The following SRGAP3 variants were observed in gnomAD, a reference collection of about 807,000 sequenced individuals.
SRGAP3 encodes the protein SLIT-ROBO Rho GTPase activating protein 3, also known as SLIT-ROBO Rho GTPase-activating protein 3.
In SRGAP3, 39 loss-of-function variants were observed where a neutral mutation model predicts 121.1. The ratio of observed to expected loss-of-function variants is 0.32; its 90% CI spans 0.25 to 0.42. The LOEUF (loss-of-function observed/expected upper bound fraction) is 0.42, where lower values mean the gene tolerates loss of function less well. Ranked by LOEUF, SRGAP3 falls within the 10% of genes least tolerant of loss-of-function variation. The probability of loss-of-function intolerance (pLI) is 1.00; values close to 1 mark genes in which losing one functional copy is unlikely to be tolerated. For synonymous variants in SRGAP3, 601 were observed against 570.0 expected, an observed-to-expected ratio of 1.05 and a Z score of -0.77; for missense variants, 1,213 against 1,470.6, an observed-to-expected ratio of 0.82 and a Z score of 2.86.
intron 3 of SRGAP3, among the ~76,000 whole-genome samples, chr3:9,322,711 C>T (rs1157116667): frequency 1.3e-5 from 2 of 151,762 alleles, no homozygotes; most frequent in African/African-American, 2.4e-5. Context: ...CACCCCCCAC[C>T]GTCCATGGAA....
At chr3:9,192,050 A>G (rs1951768646) in intron 1 of SRGAP3, among the ~76,000 whole-genome samples, 1 of 152,168 alleles carries the variant, frequency 6.6e-6, no homozygotes, top group African/African-American at 2.4e-5. Context: ...TTCTTTATAA[A>G]TCACCCAGTC....
At chr3:9,261,876 TAAA>T (rs34047232) in intron 3 of SRGAP3, among the ~76,000 whole-genome samples, 31 of 120,858 alleles carry the variant, frequency 2.6e-4, no homozygotes, top group Admixed American at 6.3e-4. Context: ...CTCATATATT[TAAA>T]AAAAAAAAAA....
intron 1 of SRGAP3, among the ~76,000 whole-genome samples, chr3:9,357,597 G>GA (rs978013543): frequency 6.1e-3 from 566 of 92,560 alleles, no homozygotes; most frequent in Middle Eastern, 0.02. Context: ...GTATGTAAAA[G>GA]AAAAAAAAAA....
chr3:9,242,548 T>C (rs910728643), intron 1 of SRGAP3, among the ~76,000 whole-genome samples: 2 of 152,016 alleles, frequency 1.3e-5, no homozygotes, highest in African/African-American at 2.4e-5. Flanking sequence ...GGCGGGAGAA[T>C]TGCTTGAACC....
At chr3:9,279,910 A>G (rs755071380) in intron 3 of SRGAP3, among the ~76,000 whole-genome samples, 3 of 152,198 alleles carry the variant, frequency 2.0e-5, no homozygotes, top group Non-Finnish European at 4.4e-5. Context: ...GGTCAAGGTC[A>G]GCCTCACCAG....
At chr3:9,310,288 T>C (rs1955220545) in intron 3 of SRGAP3, among the ~76,000 whole-genome samples, 1 of 152,118 alleles carries the variant, frequency 6.6e-6, no homozygotes, top group South Asian at 2.1e-4. Context: ...GAATGTCCAA[T>C]CTAGTGGATG....
rs141473975 is a variant in SRGAP3 at position 9,306,900 on chromosome 3, G to A, written n.442+19110C>T. Among the ~76,000 whole-genome samples, 1,073 of 152,228 alleles carry A rather than the reference G, an allele frequency of 7.0e-3. 11 individuals carry two copies. The highest frequency in any genetic ancestry group is 0.02 in the Middle Eastern group (6 of 294). On this transcript the variant is annotated intron_variant and non_coding_transcript_variant, in intron 3 of 3. Coordinates refer to the SRGAP3 transcript ENST00000490889. The stretch of plus-strand genomic sequence containing the variant: ...AGAGAGATGTTTGTTTTTCAAATAC[G>A]TTCATAAGCGAGATGTTTGTTTTTC...
At chr3:9,141,553 GGTGTGT>G (rs3067669) in intron 1 of SRGAP3, among the ~76,000 whole-genome samples, 12,203 of 138,326 alleles carry the variant, frequency 0.088, 554 homozygotes, top group East Asian at 0.14. Context: ...TGACTTCAGG[GGTGTGT>G]GTGTGTGTGT....
chr3:9,268,343 CCT>C (rs978812423), intron 3 of SRGAP3, among the ~76,000 whole-genome samples: 8 of 150,922 alleles, frequency 5.3e-5, no homozygotes, highest in South Asian at 2.1e-4. Flanking sequence ...TCTCTTCCCC[CCT>C]CTCTCTTCTC....
At chr3:9,242,291 G>A (rs1241588837) in intron 1 of SRGAP3, among the ~76,000 whole-genome samples, 1 of 152,078 alleles carries the variant, frequency 6.6e-6, no homozygotes, top group Admixed American at 6.5e-5. Flanking sequence ...AAAGCCATCC[G>A]GGCTATGGTG....
At chr3:9,284,254 G>C (rs1201856572) in intron 3 of SRGAP3, among the ~76,000 whole-genome samples, 1 of 152,144 alleles carries the variant, frequency 6.6e-6, no homozygotes, top group Non-Finnish European at 1.5e-5. Context: ...CTTATCTCAT[G>C]ACATAAAATA....
At chr3:9,251,864 AT>A, upstream of SRGAP3, among the ~76,000 whole-genome samples, 1 of 152,312 alleles carries the variant, frequency 6.6e-6, no homozygotes. Context: ...TGTGGGGCTC[AT>A]GGAGGAATAC....
chr3:9,216,243 C>T (rs768750098), intron 1 of SRGAP3, among the ~76,000 whole-genome samples: 22 of 152,196 alleles, frequency 1.4e-4, no homozygotes, highest in Non-Finnish European at 2.6e-4. Context: ...ACACTCAGGC[C>T]CTGCCTCTCA....
chr3:9,058,701 T>A, intron 6 of SRGAP3: 2 of 454,158 alleles, frequency 4.4e-6, no homozygotes, highest in African/African-American at 2.2e-5. Flanking sequence ...ATATTCACCA[T>A]CTTTCTCTCT....
intron 1 of SRGAP3, among the ~76,000 whole-genome samples, chr3:9,144,015 C>T (rs1949944627): frequency 6.6e-6 from 1 of 152,158 alleles, no homozygotes; most frequent in Admixed American, 6.5e-5. Flanking sequence ...ACAACCACAA[C>T]AGCCTCCTCC....
At chr3:9,014,147 G>A (rs1343073030) in intron 15 of SRGAP3, 1 of 449,428 alleles carries the variant, frequency 2.2e-6, no homozygotes, top group Admixed American at 3.4e-5. Flanking sequence ...GAGCACAGTG[G>A]GGGCCCCTGA....
intron 1 of SRGAP3, among the ~76,000 whole-genome samples, chr3:9,222,743 C>T (rs955433872): frequency 3.9e-5 from 6 of 152,234 alleles, no homozygotes; most frequent in African/African-American, 1.4e-4. Flanking sequence ...CCAACTTGTA[C>T]ATAAATGCCC....
At chr3:9,172,046 T>G (rs1398552999) in intron 1 of SRGAP3, among the ~76,000 whole-genome samples, 1 of 151,972 alleles carries the variant, frequency 6.6e-6, no homozygotes, top group Non-Finnish European at 1.5e-5. Flanking sequence ...TTCTCCCTTT[T>G]TATTAGTTAG....
At chr3:9,055,938 C>T (rs1279144501) in intron 8 of SRGAP3, among the ~76,000 whole-genome samples, 1 of 152,138 alleles carries the variant, frequency 6.6e-6, no homozygotes, top group Admixed American at 6.5e-5. Flanking sequence ...CTCACTCTGT[C>T]ATCCAGGCTA....
Sources: allele counts gnomAD v4.1 joint callset (sites outside exome capture counted in the v4.1 genomes callset), GRCh38; gene constraint gnomAD v4.1.1; transcripts MANE v1.5; gene names NCBI Gene and HGNC (gene_info 2026-07-23, HGNC 2026-07-21).